The following FHOD3 variants were observed in gnomAD, a reference collection of about 807,000 sequenced individuals.
FHOD3 encodes FH1/FH2 domain-containing protein 3.
Under a neutral mutation model 173.0 loss-of-function variants are expected in FHOD3, and 90 were observed. That is an observed-to-expected ratio of 0.52 (90% CI 0.44 to 0.62). The LOEUF (loss-of-function observed/expected upper bound fraction) is 0.62, where lower values mean the gene tolerates loss of function less well. Ranked by LOEUF, FHOD3 falls within the 20% of genes least tolerant of loss-of-function variation. FHOD3 has a pLI of 0.00. For synonymous variants in FHOD3, 828 were observed against 823.0 expected, an observed-to-expected ratio of 1.01 and a Z score of -0.10; for missense variants, 1,945 against 2,034.7, an observed-to-expected ratio of 0.96 and a Z score of 0.85.
chr18:36,689,713 C>A (rs2149472580), intron 16 of FHOD3, among the ~76,000 whole-genome samples: 1 of 152,214 alleles, frequency 6.6e-6, no homozygotes, highest in South Asian at 2.1e-4. Flanking sequence ...CAGGAGGATA[C>A]TTCTGTTTGG....
chr18:36,703,840 C>A (rs2039721085), intron 17 of FHOD3, among the ~76,000 whole-genome samples: 1 of 152,180 alleles, frequency 6.6e-6, no homozygotes, highest in Non-Finnish European at 1.5e-5. Flanking sequence ...TCTGACGGGG[C>A]AGCCTTTATA....
At chr18:36,336,732 C>T (rs945608904) in intron 1 of FHOD3, among the ~76,000 whole-genome samples, 10 of 150,082 alleles carry the variant, frequency 6.7e-5, no homozygotes, top group Admixed American at 6.7e-5. Flanking sequence ...ACCTGTAATC[C>T]CAGCTACTTG....
At chr18:36,664,329 C>T (rs2037007410) in intron 14 of FHOD3, among the ~76,000 whole-genome samples, 2 of 152,162 alleles carry the variant, frequency 1.3e-5, no homozygotes, top group African/African-American at 4.8e-5. Context: ...CCCCACCATT[C>T]AAAGATGCTG....
chr18:36,428,838 G>A (rs568122295), intron 3 of FHOD3, among the ~76,000 whole-genome samples: 1 of 152,256 alleles, frequency 6.6e-6, no homozygotes, highest in African/African-American at 2.4e-5. Flanking sequence ...TTCCTGGTCC[G>A]GTTAGCTGTG....
chr18:36,636,418 A>T (rs1372299797), intron 10 of FHOD3, among the ~76,000 whole-genome samples: 2 of 152,184 alleles, frequency 1.3e-5, no homozygotes, highest in Non-Finnish European at 2.9e-5. Flanking sequence ...CTCTTCATTG[A>T]TGAAGGTTGA....
intron 1 of FHOD3, among the ~76,000 whole-genome samples, chr18:36,299,671 G>A (rs2091905514): frequency 6.6e-6 from 1 of 152,066 alleles, no homozygotes; most frequent in Non-Finnish European, 1.5e-5. Flanking sequence ...CTCCTCCACT[G>A]CCCCCCTCCT....
chr18:36,550,917 C>T (rs2057625650), intron 5 of FHOD3, among the ~76,000 whole-genome samples: 1 of 152,062 alleles, frequency 6.6e-6, no homozygotes, highest in Admixed American at 6.6e-5. Context: ...TTCTTTCTTT[C>T]CTTTTATTGC....
intron 3 of FHOD3, among the ~76,000 whole-genome samples, chr18:36,490,980 C>G (rs1425005824): frequency 6.6e-6 from 1 of 152,214 alleles, no homozygotes; most frequent in Non-Finnish European, 1.5e-5. Flanking sequence ...AACACATACA[C>G]TTGCCCATCA....
At chr18:36,611,702 C>T (rs1357608404) in intron 8 of FHOD3, among the ~76,000 whole-genome samples, 2 of 152,298 alleles carry the variant, frequency 1.3e-5, no homozygotes, top group Non-Finnish European at 2.9e-5. Flanking sequence ...GCCCCCCTCT[C>T]ATGGGAGTGC....
intron 3 of FHOD3, among the ~76,000 whole-genome samples, chr18:36,428,587 C>T (rs1294146206): frequency 2.7e-5 from 4 of 149,598 alleles, no homozygotes; most frequent in South Asian, 2.1e-4. Flanking sequence ...TCTTGAGAGC[C>T]AGGCATCTGT....
At chr18:36,535,189 T>C (rs1175133265) in intron 5 of FHOD3, among the ~76,000 whole-genome samples, 2 of 152,296 alleles carry the variant, frequency 1.3e-5, no homozygotes, top group African/African-American at 4.8e-5. Context: ...GCTTGGTCAG[T>C]TGCTTAGGTG....
intron 2 of FHOD3, among the ~76,000 whole-genome samples, chr18:36,369,655 T>G (rs1386851748): frequency 3.3e-5 from 5 of 152,130 alleles, no homozygotes; most frequent in Non-Finnish European, 7.4e-5. Flanking sequence ...GGACTCTAAT[T>G]CTTGAACTCT....
intron 3 of FHOD3, among the ~76,000 whole-genome samples, chr18:36,417,335 C>G (rs1024100712): frequency 6.6e-6 from 1 of 152,158 alleles, no homozygotes; most frequent in African/African-American, 2.4e-5. Context: ...TTTTCTGTTC[C>G]TGCATTAGTT....
Position 36,501,972 on chromosome 18 carries a change from C to G in FHOD3, c.378C>G (p.Ala126=), listed in dbSNP as rs749399381. ...CCAGCGGACGAGATTTGAGAAGGGCCCTCTTCTCCCTGAAGCAGATATTTC... is the reference window on the plus strand; with the variant it reads ...CCAGCGGACGAGATTTGAGAAGGGCGCTCTTCTCCCTGAAGCAGATATTTC... ...YNSSGRDLRR[A]LFSLKQIFQD... Residue 126 remains alanine, a synonymous_variant, in exon 4 of 29, where the codon GCC becomes GCG. Coordinates refer to ENST00000590592, the MANE Select transcript of FHOD3 (RefSeq NM_001281740.3). 1 of 1,605,868 alleles carries G rather than the reference C, an allele frequency of 6.2e-7. No homozygotes were observed. The highest frequency in any genetic ancestry group is 8.5e-7 in the Non-Finnish European group (1 of 1,175,466).
chr18:36,708,020 T>C (rs1478700341), intron 17 of FHOD3, among the ~76,000 whole-genome samples: 1 of 152,182 alleles, frequency 6.6e-6, no homozygotes, highest in Non-Finnish European at 1.5e-5. Flanking sequence ...GTATTCTCGA[T>C]CATTTTGCTA....
intron 14 of FHOD3, among the ~76,000 whole-genome samples, chr18:36,678,472 G>C (rs986021302): frequency 2.3e-5 from 3 of 131,120 alleles, no homozygotes; most frequent in African/African-American, 8.8e-5. Context: ...GGGAGGTCAA[G>C]GATTCAGTGA....
chr18:36,435,249 A>G (rs1599104809), intron 3 of FHOD3, among the ~76,000 whole-genome samples: 2 of 152,214 alleles, frequency 1.3e-5, no homozygotes, highest in Middle Eastern at 6.8e-3. Flanking sequence ...ATTCATTTTT[A>G]TAGCTATAAT....
chr18:36,657,086 C>T (rs2036476808), intron 13 of FHOD3, among the ~76,000 whole-genome samples: 1 of 152,166 alleles, frequency 6.6e-6, no homozygotes, highest in Non-Finnish European at 1.5e-5. Context: ...AGAAGGGATT[C>T]CAATTTCTGT....
intron 25 of FHOD3, among the ~76,000 whole-genome samples, chr18:36,755,794 G>C (rs2042610280): frequency 6.6e-6 from 1 of 152,184 alleles, no homozygotes; most frequent in Non-Finnish European, 1.5e-5. Flanking sequence ...TGAATAAACT[G>C]ATGTGATTGC....
Sources: allele counts gnomAD v4.1 joint callset (sites outside exome capture counted in the v4.1 genomes callset), GRCh38; gene constraint gnomAD v4.1.1; transcripts MANE v1.5; gene names NCBI Gene and HGNC (gene_info 2026-07-23, HGNC 2026-07-21).